The following COL24A1 variants were observed in gnomAD, a reference collection of about 807,000 sequenced individuals.
The protein encoded by COL24A1 is collagen type XXIV alpha 1 chain.
Under a neutral mutation model 253.9 loss-of-function variants are expected in COL24A1, and 224 were observed. The ratio of observed to expected loss-of-function variants is 0.88; its 90% CI spans 0.79 to 0.99. The LOEUF (loss-of-function observed/expected upper bound fraction) is 0.99. COL24A1 is among the 50% of genes least tolerant of loss of function. The probability of loss-of-function intolerance (pLI) is 0.00; values close to 1 mark genes in which losing one functional copy is unlikely to be tolerated. For synonymous variants in COL24A1, 685 were observed against 673.7 expected, an observed-to-expected ratio of 1.02 and a Z score of -0.26; for missense variants, 2,131 against 2,068.5, an observed-to-expected ratio of 1.03 and a Z score of -0.59.
chr1:86,097,957 T>G (rs1035468189), intron 5 of COL24A1, among the ~76,000 whole-genome samples: 5 of 152,134 alleles, frequency 3.3e-5, no homozygotes, highest in Admixed American at 1.3e-4. Flanking sequence ...CTCGTCCAGA[T>G]AGTCACAGAG....
intron 19 of COL24A1, among the ~76,000 whole-genome samples, chr1:86,014,603 T>TCCC (rs1696828573): frequency 7.1e-6 from 1 of 141,252 alleles, no homozygotes; most frequent in Admixed American, 7.4e-5. Context: ...ATCTCTTCCT[T>TCCC]CTCCTCCTCC....
chr1:85,958,348 C>T (rs868817259), intron 24 of COL24A1, among the ~76,000 whole-genome samples: 1 of 151,988 alleles, frequency 6.6e-6, no homozygotes, highest in East Asian at 1.9e-4. Context: ...AAAATTGGCA[C>T]CCTTGTCATA....
chr1:86,106,470 C>G (rs1260364925), intron 5 of COL24A1, among the ~76,000 whole-genome samples: 1 of 152,052 alleles, frequency 6.6e-6, no homozygotes, highest in Non-Finnish European at 1.5e-5. Flanking sequence ...CTCCAAGAGG[C>G]CTTTTTTTGG....
chr1:85,988,313 G>A (rs1009582355), intron 19 of COL24A1, among the ~76,000 whole-genome samples: 3 of 151,868 alleles, frequency 2.0e-5, no homozygotes, highest in Admixed American at 1.3e-4. Context: ...AAATTTGCAT[G>A]AGAATCATGA....
intron 43 of COL24A1, among the ~76,000 whole-genome samples, chr1:85,836,273 A>T (rs1675996484): frequency 6.6e-6 from 1 of 152,216 alleles, no homozygotes; most frequent in South Asian, 2.1e-4. Flanking sequence ...CCAAGTCCCC[A>T]GCCAAGAATT....
chr1:86,133,387 T>C (rs1259881928), intron 2 of COL24A1, among the ~76,000 whole-genome samples: 1 of 152,172 alleles, frequency 6.6e-6, no homozygotes, highest in African/African-American at 2.4e-5. Flanking sequence ...TCCAACACTA[T>C]GTTGAGTAGG....
intron 8 of COL24A1, among the ~76,000 whole-genome samples, chr1:86,059,540 AAC>A (rs1557436588): frequency 6.6e-6 from 1 of 152,168 alleles, no homozygotes; most frequent in Non-Finnish European, 1.5e-5. Context: ...AACACTCCTT[AAC>A]AGTCTGAGCA....
At chr1:85,890,360 C>A (rs1682987035) in intron 31 of COL24A1, among the ~76,000 whole-genome samples, 1 of 151,794 alleles carries the variant, frequency 6.6e-6, no homozygotes, top group South Asian at 2.1e-4. Context: ...ATATTTGTAC[C>A]AGTAATGCAC....
At chr1:86,121,360 C>A (rs1185293058) in intron 3 of COL24A1, among the ~76,000 whole-genome samples, 12 of 152,110 alleles carry the variant, frequency 7.9e-5, no homozygotes, top group Admixed American at 7.2e-4. Flanking sequence ...TAACAGTATC[C>A]TTTTTTATTA....
chr1:86,114,408 T>A (rs1027123842), intron 4 of COL24A1, among the ~76,000 whole-genome samples: 4 of 152,182 alleles, frequency 2.6e-5, no homozygotes, highest in Non-Finnish European at 5.9e-5. Context: ...AGAATTAGTA[T>A]GAAAATTGGC....
intron 5 of COL24A1, among the ~76,000 whole-genome samples, chr1:86,100,549 G>T (rs1444909357): frequency 6.6e-6 from 1 of 152,036 alleles, no homozygotes; most frequent in Non-Finnish European, 1.5e-5. Flanking sequence ...AGTGATAGGG[G>T]TGTCTTTTGT....
chr1:85,952,790 T>C (rs1690058478), intron 24 of COL24A1, among the ~76,000 whole-genome samples: 1 of 152,224 alleles, frequency 6.6e-6, no homozygotes, highest in Non-Finnish European at 1.5e-5. Context: ...GTCTAAAATA[T>C]ATACTCCCTG....
intron 20 of COL24A1, among the ~76,000 whole-genome samples, chr1:85,986,689 T>C (rs891010319): frequency 3.3e-5 from 5 of 151,822 alleles, no homozygotes; most frequent in African/African-American, 1.2e-4. Context: ...AACGAGATAA[T>C]GTCTATGAAG....
chr1:86,021,143 A>G (rs1409951179), intron 18 of COL24A1, among the ~76,000 whole-genome samples: 2 of 152,242 alleles, frequency 1.3e-5, no homozygotes, highest in African/African-American at 4.8e-5. Flanking sequence ...ATGGAAGGGT[A>G]GAGTTAGAGG....
intron 24 of COL24A1, among the ~76,000 whole-genome samples, chr1:85,950,252 T>TATTTG (rs1689760236): frequency 2.6e-5 from 4 of 152,186 alleles, no homozygotes; most frequent in Admixed American, 1.3e-4. Flanking sequence ...TGACAAACAA[T>TATTTG]TGGTATCCAA....
At chr1:85,785,145 T>C (rs1188596265) in intron 48 of COL24A1, among the ~76,000 whole-genome samples, 1 of 152,212 alleles carries the variant, frequency 6.6e-6, no homozygotes, top group Admixed American at 6.5e-5. Context: ...ACCCTGGTTT[T>C]AGCCATGATT....
In COL24A1 at chr1:85,966,383, TG is replaced by T. The variant is rs1571400049; in HGVS notation, c.2464-1322del. Among the ~76,000 whole-genome samples, 3 of 152,250 alleles carry T rather than the reference TG, an allele frequency of 2.0e-5. No homozygotes were observed. The East Asian group carries it at 5.8e-4, about 29-fold the overall frequency. Reference sequence around the variant, plus strand: ...TATTTATACAAGTCCAGAATTTAACTGGATCAGTTAAATTCTTTCTAATCAG... The same window carrying T: ...TATTTATACAAGTCCAGAATTTAACTGATCAGTTAAATTCTTTCTAATCAG... On this transcript the variant is annotated intron_variant, in intron 22 of 59. Transcript: ENST00000370571.
At chr1:86,151,082 T>C (rs754687314) in intron 1 of COL24A1, among the ~76,000 whole-genome samples, 9 of 151,918 alleles carry the variant, frequency 5.9e-5, no homozygotes, top group Admixed American at 4.6e-4. Flanking sequence ...ATATAAAGGG[T>C]TTGTATATAT....
chr1:85,946,163 T>G (rs536313912), intron 24 of COL24A1, among the ~76,000 whole-genome samples: 6 of 152,282 alleles, frequency 3.9e-5, no homozygotes, highest in Non-Finnish European at 8.8e-5. Flanking sequence ...CAACCCCCAG[T>G]AAAAATCATG....
Sources: gnomAD v4.1 joint callset for allele counts (sites outside exome capture counted in the v4.1 genomes callset) on GRCh38, gnomAD v4.1.1 for gene constraint, MANE v1.5 for transcripts, NCBI Gene and HGNC (gene_info 2026-07-23, HGNC 2026-07-21) for gene names.